The following DDRGK1 variants were observed in gnomAD, a reference collection of about 807,000 sequenced individuals.
DDRGK1 encodes DDRGK domain containing 1.
A neutral mutation model predicts 45.8 loss-of-function variants in DDRGK1; 38 were observed. The observed-to-expected ratio is 0.83, with a 90% CI of 0.64 to 1.09. The LOEUF (loss-of-function observed/expected upper bound fraction) is 1.09, where lower values mean the gene tolerates loss of function less well. Ranked by LOEUF, DDRGK1 falls within the 50% of genes least tolerant of loss-of-function variation. The pLI is 0.00. For missense variants in DDRGK1, 403 were observed against 419.9 expected (o/e 0.96, Z 0.35); for synonymous variants, 171 against 168.7 (o/e 1.01, Z -0.11).
chr20:3,191,972 GACACACAC>G (rs150309651), intron 6 of DDRGK1, 151 bp from the exon 7 acceptor site: 45 of 562,256 alleles, frequency 8.0e-5, no homozygotes, highest in Non-Finnish European at 1.2e-4. Flanking sequence ...TTGCTCCCCT[GACACACAC>G]ACACACACAC....
At chr20:3,203,663 A>G (rs8115151) in intron 1 of DDRGK1, among the ~76,000 whole-genome samples, 18,306 of 152,124 alleles carry the variant, frequency 0.12, 1,425 homozygotes, top group Non-Finnish European at 0.17. Flanking sequence ...CCACCTTTCC[A>G]GCTGGCCTGT....
intron 1 of DDRGK1, 149 bp from the exon 2 acceptor site, chr20:3,203,565 C>A: frequency 8.5e-7 from 1 of 1,182,562 alleles, no homozygotes; most frequent in Non-Finnish European, 1.1e-6. Flanking sequence ...ACTGGCAAGG[C>A]CTTTTCCACC....
chr20:3,199,201 CAAT>C, intron 4 of DDRGK1, among the ~76,000 whole-genome samples: 1 of 152,048 alleles, frequency 6.6e-6, no homozygotes, highest in African/African-American at 2.4e-5. Flanking sequence ...GTTTAGTTAA[CAAT>C]AATGTGTCAA....
In DDRGK1 at chr20:3,192,350, G is replaced by A. The variant is rs187213107; in HGVS notation, c.673-529C>T. Among the ~76,000 whole-genome samples, 166 of 152,300 alleles carry A rather than the reference G, an allele frequency of 1.1e-3. 1 individual carries two copies. In the East Asian group the frequency reaches 0.018, roughly 16 times the overall value. Reference sequence around the variant, plus strand: ...ACATGCTGAACAAGCCATAGTCCCCGCCCTGGAGCTCGCAGTCCGGCTGGT... The same window carrying A: ...ACATGCTGAACAAGCCATAGTCCCCACCCTGGAGCTCGCAGTCCGGCTGGT... On this transcript the variant is annotated intron_variant, in intron 6 of 8. Transcript: ENST00000354488.
intron 4 of DDRGK1, among the ~76,000 whole-genome samples, chr20:3,195,756 C>T (rs1432110935): frequency 1.3e-5 from 2 of 152,224 alleles, no homozygotes; most frequent in South Asian, 2.1e-4. Context: ...TTCCTCACCA[C>T]CCACTCACCC....
At chr20:3,196,656 G>T (rs567215911) in intron 4 of DDRGK1, among the ~76,000 whole-genome samples, 1 of 152,128 alleles carries the variant, frequency 6.6e-6, no homozygotes, top group Non-Finnish European at 1.5e-5. Flanking sequence ...ACTCCAGCCT[G>T]GGGGACAGAG....
At chr20:3,200,163 C>G in intron 3 of DDRGK1, 61 bp from the exon 4 acceptor site, 1 of 1,573,716 alleles carries the variant, frequency 6.4e-7, no homozygotes, top group Non-Finnish European at 8.6e-7. Context: ...GCCCACCGCC[C>G]AGACAGACTA....
intron 6 of DDRGK1, 57 bp from the exon 7 acceptor site, chr20:3,191,878 C>T: frequency 6.5e-7 from 1 of 1,539,716 alleles, no homozygotes; most frequent in Non-Finnish European, 8.8e-7. Context: ...TCCCTCTAAG[C>T]ATGGGCACCC....
At chr20:3,192,106 T>C (rs985405155) in intron 6 of DDRGK1, among the ~76,000 whole-genome samples, 1 of 104,780 alleles carries the variant, frequency 9.5e-6, no homozygotes, top group African/African-American at 4.1e-5. Flanking sequence ...ATGGGCCCTG[T>C]CCTGGACTCC....
At chr20:3,195,019 C>G in intron 5 of DDRGK1, 151 bp from the exon 6 acceptor site, 1 of 1,323,504 alleles carries the variant, frequency 7.6e-7, no homozygotes, top group Non-Finnish European at 1.0e-6. Flanking sequence ...CGCTTGCCTA[C>G]ACAAGCAGCA....
rs114335085 is a variant in DDRGK1, at chr20:3,191,069, C to G, written c.778+121G>C. 2,359 of 1,356,216 alleles carry G rather than the reference C, an allele frequency of 1.7e-3. 36 individuals carry two copies. In the African/African-American group the frequency reaches 0.031, roughly 18 times the overall value. 84.0% of individuals were successfully genotyped at this position (1,356,216 alleles called of 1,614,324 possible). ...CTGCATCCAGCTACTCAGTGCCCCT[C>G]CTTGCACACCCCTCCCCCCATCTTG... On this transcript the variant is annotated intron_variant, in intron 8 of 8. Coordinates refer to ENST00000354488, the MANE Select transcript of DDRGK1 (RefSeq NM_023935.3).
intron 4 of DDRGK1, among the ~76,000 whole-genome samples, chr20:3,196,997 C>T (rs150520225): frequency 0.019 from 2,900 of 151,772 alleles, 87 homozygotes; most frequent in African/African-American, 0.066. Context: ...CTGAGGCAGG[C>T]GGATCACCTG....
Position 3,190,748 on chromosome 20 carries a change from G to A in DDRGK1, c.850C>T (p.Arg284Ter), listed in dbSNP as rs751874517. Reference protein sequence around the residue: ...EELAAVANFIRQRGRVSIAEL... With the variant: ...EELAAVANFI ...GCGATGGACACCCGGCCCCGCTGTC[G>A]GATGAAGTTGGCCACGGCGGCCAGT... Residue 284 changes from arginine to a stop codon, truncating the protein, a stop_gained, in exon 9 of 9, where the codon CGA (arginine) becomes TGA (stop). Transcript: ENST00000354488. LOFTEE classifies it high-confidence loss of function. The A allele has an allele frequency of 1.6e-5, 26 of 1,614,004 alleles. No homozygotes were observed. Among genetic ancestry groups the A allele is most frequent in the East Asian group, 4.5e-5 (2 of 44,898 alleles).
Position 3,203,423 on chromosome 20 carries a change from G to A in DDRGK1, c.92-7C>T, listed in dbSNP as rs1356212650. 6.5e-7 allele frequency: 1 copy of A among 1,546,720 alleles called. No individual in the cohort carries two copies. Among genetic ancestry groups the A allele is most frequent in the South Asian group, 1.2e-5 (1 of 83,150 alleles). ...TGCAGTGGCTCTTGGCCGGCTGTAG[G>A]GAAGACAGAAATGACAATGCTGCCT... is the stretch of plus-strand genomic sequence containing the variant. On this transcript the variant is annotated splice_polypyrimidine_tract_variant and splice_region_variant and intron_variant, in intron 1 of 8. Coordinates refer to ENST00000354488, the MANE Select transcript of DDRGK1 (RefSeq NM_023935.3).
chr20:3,191,237 T>A lies in DDRGK1; in HGVS notation c.731A>T (p.Asp244Val). The A allele has an allele frequency of 6.2e-7, 1 of 1,614,160 alleles. No homozygotes were observed. Among genetic ancestry groups the A allele is most frequent in the African/African-American group, 1.3e-5 (1 of 75,032 alleles). ...LASQVGLRTQ[D>V]TINRIQDLLA... is the part of the protein sequence containing the mutation. ...CAGGTCCTGGATGCGATTTATGGTGTCCTATGAGGAGAACAACTCTCAGAA... is the reference window on the plus strand; with the variant it reads ...CAGGTCCTGGATGCGATTTATGGTGACCTATGAGGAGAACAACTCTCAGAA... Residue 244 changes from aspartate (D) to valine (V), a missense_variant and splice_region_variant, in exon 8 of 9, where the codon GAC (aspartate) becomes GTC (valine). Asp to Val is a radical substitution (Grantham distance 152, BLOSUM62 -3). Transcript: ENST00000354488.
intron 8 of DDRGK1, 71 bp downstream of exon 8, chr20:3,191,119 C>T (rs778980641): frequency 1.2e-5 from 19 of 1,588,364 alleles, no homozygotes; most frequent in Non-Finnish European, 1.6e-5. Flanking sequence ...CTCTGCAGCA[C>T]ATCCCTGCAG....
chr20:3,200,426 T>A lies in DDRGK1; in HGVS notation c.324A>T (p.Pro108=), dbSNP rs756386231. ...TTTTCCCCGACAGGTGAGTTTCCGC[T>A]GGCTTCTCGACACCTTCCTCCTCCT... ...LAQEEEGVEK[P]AETHLSGKIG... The change falls in exon 3 of 9, where the codon CCA becomes CCT. Residue 108 remains proline (P), a synonymous_variant. Coordinates refer to ENST00000354488, the MANE Select transcript of DDRGK1 (RefSeq NM_023935.3). 1.9e-6 allele frequency: 3 copies of A among 1,580,838 alleles called. No individual in the cohort carries two copies. The African/African-American group carries it at 4.0e-5, about 21-fold the overall frequency.
At chr20:3,196,586 C>T (rs992385106) in intron 4 of DDRGK1, among the ~76,000 whole-genome samples, 1 of 151,890 alleles carries the variant, frequency 6.6e-6, no homozygotes, top group African/African-American at 2.4e-5. Context: ...GAGGCTGAGG[C>T]AGGAGAATGG....
intron 6 of DDRGK1, among the ~76,000 whole-genome samples, chr20:3,194,413 C>T (rs1163871732): frequency 6.6e-6 from 1 of 152,238 alleles, no homozygotes; most frequent in Non-Finnish European, 1.5e-5. Context: ...AAAGGAAACA[C>T]CATCCTGTTC....
Sources: allele counts gnomAD v4.1 joint callset (sites outside exome capture counted in the v4.1 genomes callset), GRCh38; gene constraint gnomAD v4.1.1; transcripts MANE v1.5; gene names NCBI Gene and HGNC (gene_info 2026-07-23, HGNC 2026-07-21).